Variants in RBFOX1 observed in about 807,000 individuals in gnomAD.
The protein encoded by RBFOX1 is RNA binding fox-1 homolog 1, also known as RNA binding protein fox-1 homolog 1.
RBFOX1 carries 8 observed loss-of-function variants against 57.7 expected under a neutral mutation model. The observed-to-expected ratio is 0.14, with a 90% confidence interval of 0.08 to 0.25. RBFOX1 has a LOEUF of 0.25. RBFOX1 is among the 10% of genes least tolerant of loss of function. RBFOX1 has a pLI of 1.00. For synonymous variants in RBFOX1, 326 were observed against 222.4 expected, an observed-to-expected ratio of 1.47 and a Z score of -4.15; for missense variants, 611 against 548.5, an observed-to-expected ratio of 1.11 and a Z score of -1.14.
intron 4 of RBFOX1, among the ~76,000 whole-genome samples, chr16:5,990,833 G>A (rs1596356865): frequency 1.3e-5 from 2 of 152,262 alleles, no homozygotes; most frequent in African/African-American, 2.4e-5. Context: ...AATTAGCTGG[G>A]TGTGGTGGTG....
At chr16:5,568,884 A>T (rs933462106) in intron 2 of RBFOX1, among the ~76,000 whole-genome samples, 2 of 152,182 alleles carry the variant, frequency 1.3e-5, no homozygotes, top group Non-Finnish European at 2.9e-5. Context: ...TCTGTTGCCC[A>T]GGTTGGAGTG....
At chr16:6,745,659 G>C (rs914504957) in intron 3 of RBFOX1, among the ~76,000 whole-genome samples, 1 of 152,172 alleles carries the variant, frequency 6.6e-6, no homozygotes, top group African/African-American at 2.4e-5. Flanking sequence ...TATGATAAAA[G>C]GCATCTATGG....
intron 14 of RBFOX1, among the ~76,000 whole-genome samples, chr16:7,708,084 T>C (rs1405319840): frequency 6.6e-6 from 1 of 152,114 alleles, no homozygotes; most frequent in Non-Finnish European, 1.5e-5. Flanking sequence ...CTCACGCCTG[T>C]AATCCTAACA....
intron 10 of RBFOX1, among the ~76,000 whole-genome samples, chr16:7,618,588 A>G (rs975993006): frequency 6.6e-6 from 1 of 152,170 alleles, no homozygotes; most frequent in African/African-American, 2.4e-5. Context: ...TTAGTTTGAA[A>G]GACTTTTTGC....
At chr16:6,351,368 ATATATTTTT>A (rs1299691331) in intron 2 of RBFOX1, among the ~76,000 whole-genome samples, 1 of 103,858 alleles carries the variant, frequency 9.6e-6, no homozygotes, top group African/African-American at 4.4e-5. Flanking sequence ...ATATATATAT[ATATATTTTT>A]TTTTTTTTTT....
At chr16:7,260,392 A>G (rs1232722880) in intron 4 of RBFOX1, among the ~76,000 whole-genome samples, 3 of 152,190 alleles carry the variant, frequency 2.0e-5, no homozygotes, top group Non-Finnish European at 4.4e-5. Flanking sequence ...AAAATGAAAG[A>G]AAGAAACAAA....
intron 4 of RBFOX1, among the ~76,000 whole-genome samples, chr16:7,326,233 C>T (rs1245950449): frequency 6.6e-6 from 1 of 152,164 alleles, no homozygotes; most frequent in Non-Finnish European, 1.5e-5. Flanking sequence ...TGGAAGCACA[C>T]CTGTGTGATA....
intron 1 of RBFOX1, among the ~76,000 whole-genome samples, chr16:6,093,993 C>A (rs6500759): frequency 2.6e-5 from 4 of 152,096 alleles, no homozygotes; most frequent in African/African-American, 9.7e-5. Context: ...AGAAATCATG[C>A]CGCTTTTTTA....
rs542433176 is a variant in RBFOX1 at position 7,123,553 on chromosome 16, T to C, written c.27+71455T>C. ...CTAATTCTTTTAATTTTAGTAGAGA[T>C]GGGGTTTTGACATATTGTCCAGGTT... On this transcript the variant is annotated intron_variant, in intron 4 of 15. Transcript: ENST00000550418. 2.4e-3 allele frequency among the ~76,000 whole-genome samples: 359 copies of C among 151,998 alleles called. 3 individuals carry two copies. The highest frequency in any genetic ancestry group is 8.3e-3 in the African/African-American group (345 of 41,462).
chr16:6,808,067 A>C (rs1015121807), intron 3 of RBFOX1, among the ~76,000 whole-genome samples: 1 of 150,430 alleles, frequency 6.6e-6, no homozygotes, highest in Non-Finnish European at 1.5e-5. Context: ...CAATAGAACT[A>C]TATATATATA....
intron 7 of RBFOX1, among the ~76,000 whole-genome samples, chr16:7,594,202 G>C (rs1363600549): frequency 6.6e-6 from 1 of 151,760 alleles, no homozygotes; most frequent in African/African-American, 2.4e-5. Context: ...CTTAAATTTG[G>C]AGGTGATTAT....
chr16:6,902,077 T>G (rs532279073), intron 3 of RBFOX1, among the ~76,000 whole-genome samples: 1 of 152,318 alleles, frequency 6.6e-6, no homozygotes, highest in East Asian at 1.9e-4. Flanking sequence ...ATACTTGATG[T>G]CGGCATATAT....
chr16:6,487,004 T>C (rs1418613691), intron 2 of RBFOX1, among the ~76,000 whole-genome samples: 2 of 152,062 alleles, frequency 1.3e-5, no homozygotes, highest in African/African-American at 2.4e-5. Context: ...GCATTTAATA[T>C]ACAGTGTTTG....
chr16:7,157,173 C>T (rs193056999), intron 4 of RBFOX1, among the ~76,000 whole-genome samples: 3 of 152,298 alleles, frequency 2.0e-5, no homozygotes, highest in Non-Finnish European at 1.5e-5. Context: ...ACCTGAGCAT[C>T]GTTTCAGCCT....
At chr16:7,665,040 ATTTCTCTACTTGGCGTAGTTGAG>A in intron 13 of RBFOX1, 72 bp downstream of exon 13, 3 of 1,613,408 alleles carry the variant, frequency 1.9e-6, no homozygotes, top group Non-Finnish European at 1.7e-6. Flanking sequence ...TTTGCTGTGA[ATTTCTCTACTTGGCGTAGTTGAG>A]TTTCTCTCCT....
chr16:7,329,296 C>T (rs573660344), intron 4 of RBFOX1, among the ~76,000 whole-genome samples: 1 of 152,360 alleles, frequency 6.6e-6, no homozygotes, highest in African/African-American at 2.4e-5. Context: ...CTGCCCCACT[C>T]TCCTTTCACC....
At chr16:6,782,696 A>G (rs1405562589) in intron 3 of RBFOX1, among the ~76,000 whole-genome samples, 13 of 152,182 alleles carry the variant, frequency 8.5e-5, no homozygotes, top group Admixed American at 7.2e-4. Flanking sequence ...AAGAATGTGT[A>G]TTATTCAGCT....
At chr16:7,057,176 C>G (rs909540062) in intron 4 of RBFOX1, among the ~76,000 whole-genome samples, 1 of 152,144 alleles carries the variant, frequency 6.6e-6, no homozygotes, top group African/African-American at 2.4e-5. Flanking sequence ...CACCAAACTC[C>G]CCACAAGGAA....
chr16:7,186,934 A>C (rs947269990), intron 4 of RBFOX1, among the ~76,000 whole-genome samples: 5 of 149,562 alleles, frequency 3.3e-5, no homozygotes, highest in Non-Finnish European at 5.9e-5. Context: ...GAGGCAGGCA[A>C]ATTGCTTGAG....
Sources: allele counts gnomAD v4.1 joint callset (sites outside exome capture counted in the v4.1 genomes callset), GRCh38; gene constraint gnomAD v4.1.1; transcripts MANE v1.5; gene names NCBI Gene and HGNC (gene_info 2026-07-23, HGNC 2026-07-21).